Variants in ABCB5 observed in about 807,000 individuals in gnomAD.
ABCB5 encodes ATP binding cassette subfamily B member 5, also known as ATP-binding cassette sub-family B member 5.
ABCB5 carries 155 observed loss-of-function variants against 144.2 expected under a neutral mutation model. That is an observed-to-expected ratio of 1.08 (90% CI 0.94 to 1.23). The LOEUF (loss-of-function observed/expected upper bound fraction) is 1.23. Among genes scored for constraint, ABCB5 ranks in the 50% most tolerant of loss-of-function variants. The pLI, the probability that ABCB5 is intolerant of heterozygous loss-of-function variation, is 0.00. For missense variants in ABCB5, 1,830 were observed against 1,520.8 expected (o/e 1.20, Z -3.38); for synonymous variants, 610 against 528.6 (o/e 1.15, Z -2.11).
intron 2 of ABCB5, 74 bp from the exon 3 acceptor site, chr7:20,626,483 C>A: frequency 1.5e-6 from 2 of 1,374,348 alleles, no homozygotes; most frequent in Non-Finnish European, 2.0e-6. Flanking sequence ...GACACTTCTG[C>A]AAACTATTAA....
At chr7:20,639,459 T>C (rs1281589769) in intron 5 of ABCB5, among the ~76,000 whole-genome samples, 1 of 152,214 alleles carries the variant, frequency 6.6e-6, no homozygotes, top group African/African-American at 2.4e-5. Flanking sequence ...ATTTTCCTGT[T>C]CAAATTGCAA....
At chr7:20,669,880 T>TG (rs11384083) in intron 14 of ABCB5, among the ~76,000 whole-genome samples, 152,304 of 152,304 alleles carry the variant, frequency 1, 76,152 homozygotes, top group Non-Finnish European at 1. Flanking sequence ...CCAACAACAG[T>TG]TTCTGGGACT....
At chr7:20,678,647 A>C (rs1271195793) in intron 14 of ABCB5, among the ~76,000 whole-genome samples, 3 of 152,144 alleles carry the variant, frequency 2.0e-5, no homozygotes, top group African/African-American at 7.2e-5. Context: ...AACAAAAAAA[A>C]ACACATTACC....
At chr7:20,736,107 C>G (rs1782370727) in intron 23 of ABCB5, among the ~76,000 whole-genome samples, 1 of 152,156 alleles carries the variant, frequency 6.6e-6, no homozygotes, top group Non-Finnish European at 1.5e-5. Context: ...ACTCTGCCTT[C>G]TAATCAAAGA....
intron 16 of ABCB5, among the ~76,000 whole-genome samples, chr7:20,689,959 G>A (rs559829662): frequency 7.2e-5 from 11 of 152,294 alleles, no homozygotes; most frequent in African/African-American, 2.2e-4. Flanking sequence ...GCAGAGAGGC[G>A]TGTGGGACAC....
intron 16 of ABCB5, among the ~76,000 whole-genome samples, chr7:20,690,794 A>G (rs1214700566): frequency 6.6e-6 from 1 of 152,206 alleles, no homozygotes; most frequent in African/African-American, 2.4e-5. Flanking sequence ...AGGGATCCTA[A>G]CAAATGGCTG....
At position 20,658,549 on chromosome 7, in the gene ABCB5, G is replaced by A; in HGVS notation, c.1580G>A (p.Gly527Glu). 6.2e-7 allele frequency: 1 copy of A among 1,614,136 alleles called. No homozygotes were observed. The highest frequency in any genetic ancestry group is 1.1e-5 in the South Asian group (1 of 91,072). The change falls in exon 14 of 28, where the codon GGA (glycine) becomes GAA (glutamate). Residue 527 changes from glycine to glutamate, a missense_variant. Physicochemically the swap from Gly to Glu is moderately conservative, Grantham distance 98. Coordinates refer to ENST00000404938, the MANE Select transcript of ABCB5 (RefSeq NM_001163941.2). ...LVGEKGAQMSGGQKQRIAIAR... is the reference protein window; with the variant it reads ...LVGEKGAQMSEGQKQRIAIAR... ...GGGGAAAAAGGAGCTCAAATGAGTG[G>A]AGGGCAGAAACAGAGGATCGCAATT...
chr7:20,734,907 A>G (rs949186253), intron 23 of ABCB5, among the ~76,000 whole-genome samples: 1 of 152,194 alleles, frequency 6.6e-6, no homozygotes, highest in African/African-American at 2.4e-5. Context: ...AAATGTGTAG[A>G]TTTAGATGTA....
chr7:20,688,241 T>A (rs551260320), intron 16 of ABCB5, among the ~76,000 whole-genome samples: 2 of 151,666 alleles, frequency 1.3e-5, no homozygotes, highest in Admixed American at 1.3e-4. Flanking sequence ...TAAACAAAGA[T>A]CAATAATGAA....
chr7:20,698,857 T>G (rs1786512863), intron 17 of ABCB5, among the ~76,000 whole-genome samples: 1 of 152,236 alleles, frequency 6.6e-6, no homozygotes, highest in Non-Finnish European at 1.5e-5. Context: ...CAAATACAAC[T>G]ACTTTCCTTT....
rs565814192 is a variant in ABCB5, at chr7:20,647,301, A to G, written c.982-234A>G. ...ATGAGATAATCAAAAGTTGTTCCTT[A>G]TTAGGAAAAGGCCAAGGATACTTGG... is the stretch of plus-strand genomic sequence containing the variant. On this transcript the variant is annotated intron_variant, in intron 9 of 27. Transcript: ENST00000404938. The G allele has an allele frequency of 1.0e-5, 13 of 1,261,746 alleles. No homozygotes were observed. In the African/African-American group the frequency reaches 2.0e-4, roughly 20 times the overall value. 78.2% of individuals were successfully genotyped at this position (1,261,746 alleles called of 1,614,324 possible).
chr7:20,707,353 T>C (rs185035879), intron 20 of ABCB5, among the ~76,000 whole-genome samples: 3 of 152,312 alleles, frequency 2.0e-5, no homozygotes, highest in African/African-American at 7.2e-5. Context: ...TAGGACAACA[T>C]GATTCCTAGA....
intron 20 of ABCB5, among the ~76,000 whole-genome samples, chr7:20,714,301 TA>T (rs1322398790): frequency 6.6e-6 from 1 of 152,140 alleles, no homozygotes; most frequent in African/African-American, 2.4e-5. Flanking sequence ...AGACACTCCA[TA>T]AATAACTTAT....
intron 23 of ABCB5, among the ~76,000 whole-genome samples, chr7:20,733,077 T>A (rs780867129): frequency 5.9e-5 from 9 of 152,154 alleles, no homozygotes; most frequent in Non-Finnish European, 1.2e-4. Context: ...CAATTAAGAC[T>A]CAAAGAGGTT....
At chr7:20,649,801 T>C (rs995617540) in intron 11 of ABCB5, among the ~76,000 whole-genome samples, 9 of 152,222 alleles carry the variant, frequency 5.9e-5, no homozygotes, top group African/African-American at 2.2e-4. Flanking sequence ...ACTCTTAATT[T>C]AGTTCTCTTT....
intron 3 of ABCB5, 150 bp from the exon 4 acceptor site, chr7:20,628,538 T>G (rs1224877846): frequency 2.8e-5 from 20 of 716,930 alleles, no homozygotes; most frequent in Non-Finnish European, 4.4e-5. Flanking sequence ...TAAATACATA[T>G]CTATGATTTT....
intron 25 of ABCB5, among the ~76,000 whole-genome samples, chr7:20,744,252 G>C (rs1277024207): frequency 2.6e-5 from 4 of 152,010 alleles, no homozygotes; most frequent in Non-Finnish European, 5.9e-5. Flanking sequence ...ATTTTTTGTA[G>C]AAACGGGGTT....
intron 14 of ABCB5, chr7:20,660,203 A>C: frequency 1.0e-6 from 1 of 984,222 alleles, no homozygotes; most frequent in Non-Finnish European, 1.2e-6. Context: ...AAAAAGAAGA[A>C]TGCAGAATGT....
At chr7:20,632,209 A>T (rs2128019370) in intron 5 of ABCB5, 96 bp downstream of exon 5, 1 of 717,048 alleles carries the variant, frequency 1.4e-6, no homozygotes, top group South Asian at 2.2e-5. Flanking sequence ...ATGACCATTA[A>T]TATTACATAA....
Sources: gnomAD v4.1 joint callset for allele counts (sites outside exome capture counted in the v4.1 genomes callset) on GRCh38, gnomAD v4.1.1 for gene constraint, MANE v1.5 for transcripts, NCBI Gene and HGNC (gene_info 2026-07-23, HGNC 2026-07-21) for gene names.